CCDC160: variants seen among roughly 807,000 people sequenced by gnomAD.
The protein encoded by CCDC160 is coiled-coil domain-containing protein 160.
For synonymous variants in CCDC160, 94 were observed against 79.4 expected, an observed-to-expected ratio of 1.18 and a Z score of -0.98; for missense variants, 227 against 215.6, an observed-to-expected ratio of 1.05 and a Z score of -0.33.
chrX:134,238,383 T>C (rs1321107253), intron 1 of CCDC160, among the ~76,000 whole-genome samples: 2 of 100,853 alleles, frequency 2.0e-5, no homozygotes, highest in African/African-American at 7.3e-5. Context: ...TTTTTTTTTT[T>C]TTTTTTTGAG....
At chrX:134,243,290 A>G in intron 1 of CCDC160, 1 of 671,727 alleles carries the variant, frequency 1.5e-6, no homozygotes, top group Non-Finnish European at 1.8e-6. Context: ...AGTTCATCTT[A>G]AGAATATATG....
exon 2 of CCDC160, chrX:134,245,655 G>C: frequency 8.3e-7 from 1 of 1,208,929 alleles, no homozygotes. Flanking sequence ...AGAATGAACT[G>C]AGAACTGAGA....
chrX:134,245,848 A>G (rs920973055), downstream of CCDC160: 1 of 719,790 alleles, frequency 1.4e-6, no homozygotes, highest in Non-Finnish European at 1.9e-6. Context: ...TTCTTTGCGT[A>G]TTACTTAAAA....
chrX:134,245,043 G>A (rs1216096672), exon 2 of CCDC160: 1 of 1,180,693 alleles, frequency 8.5e-7, no homozygotes, highest in East Asian at 3.1e-5. Flanking sequence ...ATTTAAGAGA[G>A]AACAAGAGAA....
In CCDC160 at chrX:134,245,634, CAG is replaced by C. The variant is rs1227760868; in HGVS notation, c.835_836del (p.Ser279CysfsTer5). 2 of 1,209,747 alleles carry C rather than the reference CAG, an allele frequency of 1.7e-6. No homozygotes were observed. On this transcript the variant is annotated frameshift_variant, in exon 2 of 2. Transcript: ENST00000370809. LOFTEE classifies it low-confidence loss of function (END_TRUNC). ...AAATGGCAAAGATCCGCGGAGAGCT[CAG>C]TGTCATCAAGAATGAACTGAGAACT...
chrX:134,245,285 G>A, exon 2 of CCDC160: 2 of 1,189,827 alleles, frequency 1.7e-6, no homozygotes, highest in African/African-American at 3.5e-5. Context: ...ATGAAATACA[G>A]AAAAATAGAA....
exon 2 of CCDC160, chrX:134,245,735 C>A (rs377317260): frequency 1.7e-6 from 2 of 1,171,991 alleles, no homozygotes; most frequent in Admixed American, 2.7e-5. Context: ...TCAATGGTAA[C>A]ATCATCAAGT....
chrX:134,244,825 AAGG>A, exon 2 of CCDC160: 1 of 1,171,149 alleles, frequency 8.5e-7, no homozygotes, highest in Non-Finnish European at 1.1e-6. Context: ...AAAACACTGG[AAGG>A]AGAATATGTT....
Position 134,245,768 on chromosome X carries a change from A to G in CCDC160, c.968A>G (p.Asp323Gly). The G allele has an allele frequency of 1.8e-6, 2 of 1,113,121 alleles. 1 individual carries two copies. The highest frequency in any genetic ancestry group is 2.4e-6 in the Non-Finnish European group (2 of 850,310). 91.7% of individuals were successfully genotyped at this position (1,113,121 alleles called of 1,213,427 possible). The change falls in exon 2 of 2, where the codon GAT becomes GGT. Residue 323 changes from aspartate (D) to glycine (G), a missense_variant. Transcript: ENST00000370809. ...AGTATCCTTGACCACTTTACTGGGG[A>G]TTTTTTTTAAAACTTAAAAAAATCC...
intron 1 of CCDC160, among the ~76,000 whole-genome samples, chrX:134,244,169 C>T (rs753673410): frequency 2.7e-5 from 3 of 111,738 alleles, no homozygotes; most frequent in African/African-American, 9.8e-5. Context: ...GAATTCTGTA[C>T]ACTTGGCAGT....
chrX:134,239,910 C>T (rs2077021920), intron 1 of CCDC160, among the ~76,000 whole-genome samples: 1 of 111,979 alleles, frequency 8.9e-6, no homozygotes, highest in African/African-American at 3.2e-5. Context: ...GTCTTTTTTC[C>T]ACCATAGTCC....
At chrX:134,240,431 G>A (rs1179586859) in intron 1 of CCDC160, among the ~76,000 whole-genome samples, 2 of 111,267 alleles carry the variant, frequency 1.8e-5, no homozygotes, top group African/African-American at 6.5e-5. Flanking sequence ...GCTACTAAGC[G>A]ACTGAGGATA....
exon 2 of CCDC160, chrX:134,245,484 A>G: frequency 8.4e-7 from 1 of 1,193,071 alleles, no homozygotes; most frequent in Non-Finnish European, 1.1e-6. Flanking sequence ...AGCAAGCCAA[A>G]GAAGTCATCC....
At chrX:134,244,406 C>T (rs1313973166) in intron 1 of CCDC160, among the ~76,000 whole-genome samples, 4 of 112,414 alleles carry the variant, frequency 3.6e-5, no homozygotes, top group Admixed American at 9.4e-5. Flanking sequence ...ACAGGTATTA[C>T]CAACATTAAC....
exon 2 of CCDC160, chrX:134,244,845 T>C: frequency 1.7e-6 from 2 of 1,179,590 alleles, no homozygotes; most frequent in Non-Finnish European, 2.3e-6. Flanking sequence ...TGTTTACTCC[T>C]TTTTTTAGTG....
At chrX:134,241,196 A>G (rs780001194) in intron 1 of CCDC160, among the ~76,000 whole-genome samples, 1 of 111,963 alleles carries the variant, frequency 8.9e-6, no homozygotes, top group Admixed American at 9.5e-5. Context: ...TTATGGAGCT[A>G]TTTGAGAATA....
intron 1 of CCDC160, among the ~76,000 whole-genome samples, chrX:134,241,210 G>A (rs1475377394): frequency 8.9e-6 from 1 of 111,752 alleles, no homozygotes; most frequent in Non-Finnish European, 1.9e-5. Context: ...GAGAATAGAT[G>A]TGCATTCCTC....
downstream of CCDC160, chrX:134,245,808 T>G: frequency 9.8e-7 from 1 of 1,019,279 alleles, no homozygotes; most frequent in Non-Finnish European, 1.3e-6. Flanking sequence ...AGTAGGCAAG[T>G]CATTGAGCCA....
intron 1 of CCDC160, among the ~76,000 whole-genome samples, chrX:134,238,281 A>G (rs970621457): frequency 9.1e-6 from 1 of 110,470 alleles, no homozygotes; most frequent in African/African-American, 3.3e-5. Flanking sequence ...AGTTGGGGAA[A>G]TGGGTTGACA....
Sources: allele counts gnomAD v4.1 joint callset (sites outside exome capture counted in the v4.1 genomes callset), GRCh38; gene constraint gnomAD v4.1.1; transcripts MANE v1.5; gene names NCBI Gene and HGNC (gene_info 2026-07-23, HGNC 2026-07-21).